KRABD5: variants seen among roughly 807,000 people sequenced by gnomAD.
The protein encoded by KRABD5 is KRAB domain containing 5.
chr16:31,749,491 A>C, the KRABD5 span, among the ~76,000 whole-genome samples: 6 of 152,316 alleles, frequency 3.9e-5, no homozygotes, highest in Non-Finnish European at 8.8e-5. Context: ...CCCTCCCTGC[A>C]GGTGCTCTGT....
the KRABD5 span, among the ~76,000 whole-genome samples, chr16:31,714,833 A>C: frequency 6.6e-6 from 1 of 152,252 alleles, no homozygotes; most frequent in South Asian, 2.1e-4. Context: ...GAGATTGGGA[A>C]GCTCTTTCTG....
the KRABD5 span, among the ~76,000 whole-genome samples, chr16:31,750,021 ACT>A: frequency 1.3e-5 from 2 of 151,456 alleles, no homozygotes; most frequent in Non-Finnish European, 2.9e-5. Context: ...GGCTATTTGG[ACT>A]CTTACTTAGT....
the KRABD5 span, among the ~76,000 whole-genome samples, chr16:31,736,063 GT>G: frequency 6.6e-6 from 1 of 152,116 alleles, no homozygotes; most frequent in Non-Finnish European, 1.5e-5. Context: ...TCCATTTTGA[GT>G]TGGTTTTTGT....
chr16:31,736,225 T>A, the KRABD5 span, among the ~76,000 whole-genome samples: 1 of 152,142 alleles, frequency 6.6e-6, no homozygotes, highest in African/African-American at 2.4e-5. Context: ...ATGAATTTAT[T>A]TATGGACTCA....
At chr16:31,759,153 CTT>C in the KRABD5 span, 1 of 469,400 alleles carries the variant, frequency 2.1e-6, no homozygotes, top group Non-Finnish European at 4.0e-6. Context: ...ATTTATGTAT[CTT>C]TTAGTCATAA....
chr16:31,748,713 T>G, the KRABD5 span, among the ~76,000 whole-genome samples: 1 of 152,164 alleles, frequency 6.6e-6, no homozygotes, highest in Non-Finnish European at 1.5e-5. Flanking sequence ...TGATTCTTTC[T>G]CATCTCTGTG....
the KRABD5 span, among the ~76,000 whole-genome samples, chr16:31,748,228 CA>C: frequency 6.6e-6 from 1 of 152,142 alleles, no homozygotes; most frequent in Admixed American, 6.5e-5. Flanking sequence ...GCTTTCCCAG[CA>C]CCATTTATTA....
the KRABD5 span, among the ~76,000 whole-genome samples, chr16:31,718,817 C>T: frequency 1.3e-5 from 2 of 152,192 alleles, no homozygotes; most frequent in Non-Finnish European, 2.9e-5. Context: ...ACCAGGAACT[C>T]CCTCACCAGC....
the KRABD5 span, among the ~76,000 whole-genome samples, chr16:31,722,400 T>C: frequency 6.6e-6 from 1 of 152,068 alleles, no homozygotes; most frequent in Non-Finnish European, 1.5e-5. Flanking sequence ...ATATTCCATA[T>C]AGGCATAGTA....
At chr16:31,742,074 T>C in the KRABD5 span, among the ~76,000 whole-genome samples, 1 of 152,134 alleles carries the variant, frequency 6.6e-6, no homozygotes, top group African/African-American at 2.4e-5. Context: ...TTTTGTTGAC[T>C]TTGTGGAACA....
the KRABD5 span, among the ~76,000 whole-genome samples, chr16:31,731,259 C>A: frequency 6.6e-6 from 1 of 152,170 alleles, no homozygotes; most frequent in Admixed American, 6.5e-5. Context: ...TGTGTTGGAG[C>A]CATGTCACAT....
the KRABD5 span, among the ~76,000 whole-genome samples, chr16:31,716,834 TAACTC>T: frequency 1.3e-5 from 2 of 152,182 alleles, no homozygotes; most frequent in Non-Finnish European, 2.9e-5. Context: ...ATATGAGACT[TAACTC>T]TTCTTGAAAA....
chr16:31,749,806 G>A, the KRABD5 span, among the ~76,000 whole-genome samples: 1 of 152,300 alleles, frequency 6.6e-6, no homozygotes, highest in East Asian at 1.9e-4. Context: ...TACCTTGGTT[G>A]CTGGTGAAAG....
the KRABD5 span, among the ~76,000 whole-genome samples, chr16:31,721,507 A>G: frequency 2.0e-5 from 3 of 151,686 alleles, no homozygotes; most frequent in Admixed American, 6.6e-5. Context: ...AAGCTCTACT[A>G]TATACTAGAT....
At chr16:31,723,278 G>T in the KRABD5 span, 1 of 1,613,946 alleles carries the variant, frequency 6.2e-7, no homozygotes, top group South Asian at 1.1e-5. Context: ...CTCTAAGCCG[G>T]ACCTGATCAC....
chr16:31,759,679 C>T, the KRABD5 span: 2 of 281,254 alleles, frequency 7.1e-6, no homozygotes, highest in South Asian at 9.7e-5. Flanking sequence ...TCTTTAATAG[C>T]ATTTGTATAA....
the KRABD5 span, chr16:31,753,782 T>C: frequency 6.7e-7 from 1 of 1,499,526 alleles, no homozygotes; most frequent in Non-Finnish European, 8.9e-7. Flanking sequence ...TTTCTCATGA[T>C]ACTCAAGGCC....
chr16:31,752,734 G>T, the KRABD5 span, among the ~76,000 whole-genome samples: 1 of 152,104 alleles, frequency 6.6e-6, no homozygotes, highest in South Asian at 2.1e-4. Flanking sequence ...AGATGTGATG[G>T]TGTGTTTTTG....
chr16:31,747,691 G>A, the KRABD5 span, among the ~76,000 whole-genome samples: 2 of 152,196 alleles, frequency 1.3e-5, no homozygotes, highest in South Asian at 4.1e-4. Context: ...TGTAACTGGT[G>A]TGAGATGGTA....
Sources: allele counts gnomAD v4.1 joint callset (sites outside exome capture counted in the v4.1 genomes callset), GRCh38; gene constraint gnomAD v4.1.1; transcripts MANE v1.5; gene names NCBI Gene and HGNC (gene_info 2026-07-23, HGNC 2026-07-21).